Variants in DNAH14 observed in about 807,000 individuals in gnomAD.
The protein encoded by DNAH14 is axonemal beta dynein heavy chain 14.
A neutral mutation model predicts 520.9 loss-of-function variants in DNAH14; 478 were observed. The ratio of observed to expected loss-of-function variants is 0.92; its 90% confidence interval spans 0.85 to 0.99. The LOEUF (loss-of-function observed/expected upper bound fraction) is 0.99. Among genes scored for constraint, DNAH14 ranks in the 50% least tolerant of loss-of-function variants. DNAH14 has a pLI of 0.00. For missense variants in DNAH14, 4,831 were observed against 5,234.5 expected (o/e 0.92, Z 2.38); for synonymous variants, 1,581 against 1,757.2 (o/e 0.90, Z 2.51).
intron 35 of DNAH14, among the ~76,000 whole-genome samples, chr1:225,162,386 A>G (rs1409284114): frequency 1.3e-5 from 2 of 152,046 alleles, no homozygotes; most frequent in East Asian, 1.9e-4. Flanking sequence ...GGTCTTTTCC[A>G]TTGGTCTGTG....
In DNAH14 at chr1:225,159,319, CCAGTGA is replaced by C; in HGVS notation, c.5284_5289del (p.Asp1762_Ser1763del). ...GTTTTCTTCTACCATTGAAGTGATA[CCAGTGA>C]CAGTCTTTCTGAAGCAGATGAAACC... On this transcript the variant is annotated inframe_deletion, in exon 35 of 86. Coordinates refer to ENST00000682510, the MANE Select transcript of DNAH14 (RefSeq NM_001367479.1). 1 of 1,550,866 alleles carries C rather than the reference CCAGTGA, an allele frequency of 6.4e-7. No individual in the cohort carries two copies. Among genetic ancestry groups the C allele is most frequent in the Non-Finnish European group, 8.7e-7 (1 of 1,146,574 alleles).
At chr1:225,153,630 C>T in intron 33 of DNAH14, 120 bp from the exon 34 acceptor site, 1 of 622,224 alleles carries the variant, frequency 1.6e-6, no homozygotes, top group Admixed American at 3.4e-5. Flanking sequence ...TTTTTGGATT[C>T]ATGTCACTGT....
chr1:225,210,740 C>A (rs778133440), intron 41 of DNAH14, among the ~76,000 whole-genome samples: 62 of 152,176 alleles, frequency 4.1e-4, no homozygotes, highest in Admixed American at 1.2e-3. Context: ...ACAAACACCT[C>A]ATACAGGAGA....
intron 84 of DNAH14, 118 bp downstream of exon 84, chr1:225,392,569 C>G: frequency 7.9e-7 from 1 of 1,258,034 alleles, no homozygotes; most frequent in Non-Finnish European, 1.1e-6. Context: ...AGGCACTAGA[C>G]AGGCAGATCA....
At chr1:224,952,879 T>C in intron 2 of DNAH14, 100 bp downstream of exon 2, 1 of 789,464 alleles carries the variant, frequency 1.3e-6, no homozygotes, top group Non-Finnish European at 1.9e-6. Context: ...ACTTAAAATA[T>C]CTTATCAGAA....
At chr1:225,260,119 G>A (rs1296502726) in intron 46 of DNAH14, among the ~76,000 whole-genome samples, 3 of 152,086 alleles carry the variant, frequency 2.0e-5, no homozygotes, top group Non-Finnish European at 2.9e-5. Flanking sequence ...AGGAGGCAGA[G>A]GCAGGTGGAT....
intron 84 of DNAH14, 68 bp from the exon 85 acceptor site, chr1:225,398,452 C>T (rs764625743): frequency 1.8e-5 from 27 of 1,525,320 alleles, no homozygotes; most frequent in Non-Finnish European, 2.4e-5. Context: ...GGCTCAATTC[C>T]GGACGGAGCC....
chr1:225,346,179 C>A lies in DNAH14; in HGVS notation c.10896C>A (p.Asp3632Glu), dbSNP rs1487381962. The A allele has an allele frequency of 1.9e-6, 3 of 1,551,472 alleles. No homozygotes were observed. The highest frequency in any genetic ancestry group is 4.9e-5 in the East Asian group (2 of 40,936). Residue 3632 changes from aspartate to glutamate, a missense_variant, in exon 70 of 86, where the codon GAC becomes GAA. Transcript: ENST00000682510. ...ACTACATGTACCAGTTCTCCCTAGA[C>A]TGGTTTCATCAGGTTTTTGTTTCAT... ...QINYMYQFSL[D>E]WFHQVFVSSV... is the part of the protein sequence containing the mutation.
intron 77 of DNAH14, among the ~76,000 whole-genome samples, chr1:225,371,730 T>TAAAG (rs2095621018): frequency 6.6e-6 from 1 of 152,008 alleles, no homozygotes; most frequent in African/African-American, 2.4e-5. Context: ...GATAAAAATG[T>TAAAG]AAAGATGTAA....
chr1:225,095,409 A>G (rs1174498306), intron 21 of DNAH14, among the ~76,000 whole-genome samples: 1 of 152,124 alleles, frequency 6.6e-6, no homozygotes, highest in Non-Finnish European at 1.5e-5. Context: ...CAGTAAACCA[A>G]ATATTGCATG....
chr1:225,363,115 A>T (rs1376659710), intron 75 of DNAH14, among the ~76,000 whole-genome samples: 2 of 152,014 alleles, frequency 1.3e-5, no homozygotes, highest in Non-Finnish European at 2.9e-5. Context: ...ACTCCCTTAT[A>T]CCCTTCATCT....
chr1:225,332,660 T>C (rs2094824160), intron 65 of DNAH14, among the ~76,000 whole-genome samples: 1 of 152,094 alleles, frequency 6.6e-6, no homozygotes, highest in Non-Finnish European at 1.5e-5. Flanking sequence ...TGTTGTTGAA[T>C]ACTATTAATA....
intron 3 of DNAH14, among the ~76,000 whole-genome samples, chr1:224,955,964 A>G (rs1380483133): frequency 1.3e-5 from 2 of 152,104 alleles, no homozygotes; most frequent in Non-Finnish European, 2.9e-5. Flanking sequence ...TTCTACCGAT[A>G]AGACTCTTTC....
intron 21 of DNAH14, among the ~76,000 whole-genome samples, chr1:225,086,563 A>T (rs1358665520): frequency 1.3e-5 from 2 of 152,134 alleles, no homozygotes; most frequent in Non-Finnish European, 2.9e-5. Context: ...ATAGATGGGG[A>T]GAGAGAGAAA....
intron 52 of DNAH14, 21 bp downstream of exon 52, chr1:225,273,146 T>C (rs1294647090): frequency 6.5e-7 from 1 of 1,538,906 alleles, no homozygotes; most frequent in Non-Finnish European, 8.8e-7. Flanking sequence ...ATTTTAAAAA[T>C]TATTGGCCGG....
At chr1:225,274,629 T>A (rs1268245169) in intron 52 of DNAH14, among the ~76,000 whole-genome samples, 2 of 152,328 alleles carry the variant, frequency 1.3e-5, no homozygotes, top group East Asian at 3.9e-4. Flanking sequence ...TCCCTATAAA[T>A]GCCAACCATA....
chr1:225,100,635 G>A (rs1434964768), intron 22 of DNAH14, 78 bp from the exon 23 acceptor site: 56 of 1,060,128 alleles, frequency 5.3e-5, no homozygotes, highest in East Asian at 2.1e-4. Context: ...ACAGTATTCC[G>A]TGGCAATGCA....
chr1:225,325,403 T>G (rs1213256853), intron 64 of DNAH14, among the ~76,000 whole-genome samples: 3 of 151,588 alleles, frequency 2.0e-5, no homozygotes, highest in Admixed American at 6.6e-5. Context: ...GAGAATCTCT[T>G]GAACCCGGGA....
intron 77 of DNAH14, among the ~76,000 whole-genome samples, chr1:225,373,062 A>C (rs1005778349): frequency 6.6e-6 from 1 of 151,946 alleles, no homozygotes; most frequent in Non-Finnish European, 1.5e-5. Flanking sequence ...TAACAAAAAA[A>C]TTCCTTCACA....
Sources: allele counts gnomAD v4.1 joint callset (sites outside exome capture counted in the v4.1 genomes callset), GRCh38; gene constraint gnomAD v4.1.1; transcripts MANE v1.5; gene names NCBI Gene and HGNC (gene_info 2026-07-23, HGNC 2026-07-21).